The following MCF2L2 variants were observed in gnomAD, a reference collection of about 807,000 sequenced individuals.
The protein encoded by MCF2L2 is probable guanine nucleotide exchange factor MCF2L2.
A neutral mutation model predicts 150.2 loss-of-function variants in MCF2L2; 102 were observed. That is an observed-to-expected ratio of 0.68 (90% CI 0.58 to 0.80). The LOEUF (loss-of-function observed/expected upper bound fraction) is 0.80, where lower values mean the gene tolerates loss of function less well. Among genes scored for constraint, MCF2L2 ranks in the 30% least tolerant of loss-of-function variants. MCF2L2 has a pLI of 0.00. For missense variants in MCF2L2, 1,256 were observed against 1,372.8 expected (o/e 0.91, Z 1.34); for synonymous variants, 465 against 491.3 (o/e 0.95, Z 0.71).
At chr3:183,378,524 GCA>G (rs769350372) in intron 3 of MCF2L2, 1 of 152,220 alleles carries the variant, frequency 6.6e-6, no homozygotes, top group Non-Finnish European at 1.5e-5. Flanking sequence ...TCAGCTACAA[GCA>G]CAGTTTTTTT....
chr3:183,316,573 G>GACCTCAGGTGATCTGCCC (rs1161082621), intron 7 of MCF2L2, among the ~76,000 whole-genome samples: 3 of 151,936 alleles, frequency 2.0e-5, no homozygotes, highest in Admixed American at 6.6e-5. Context: ...TCGAACTCCT[G>GACCTCAGGTGATCTGCCC]ACCTCAGGTG....
chr3:183,310,334 C>T (rs1174288133), intron 9 of MCF2L2, among the ~76,000 whole-genome samples: 1 of 152,056 alleles, frequency 6.6e-6, no homozygotes, highest in Non-Finnish European at 1.5e-5. Flanking sequence ...AACCCCATCT[C>T]TACCAAAAAT....
chr3:183,309,619 T>C, intron 10 of MCF2L2, 97 bp downstream of exon 10: 2 of 1,523,900 alleles, frequency 1.3e-6, no homozygotes, highest in South Asian at 2.3e-5. Context: ...GGCATTCCTG[T>C]GTCCTTTAGC....
chr3:183,303,763 G>A (rs892374043), intron 10 of MCF2L2, among the ~76,000 whole-genome samples: 4 of 152,066 alleles, frequency 2.6e-5, no homozygotes, highest in Non-Finnish European at 4.4e-5. Flanking sequence ...GCTGACAAAG[G>A]AGCAATTCCA....
intron 5 of MCF2L2, among the ~76,000 whole-genome samples, chr3:183,334,604 A>G (rs1730394852): frequency 6.6e-6 from 1 of 151,846 alleles, no homozygotes; most frequent in African/African-American, 2.4e-5. Context: ...CCTGGCCAAC[A>G]TGGTGAAACC....
chr3:183,184,025 GT>G (rs918545511), intron 27 of MCF2L2, among the ~76,000 whole-genome samples: 1 of 151,960 alleles, frequency 6.6e-6, no homozygotes, highest in African/African-American at 2.4e-5. Flanking sequence ...TTGTTTTTTT[GT>G]TTGTTTTTGA....
chr3:183,348,057 A>C (rs1371754880), intron 3 of MCF2L2, among the ~76,000 whole-genome samples: 1 of 152,208 alleles, frequency 6.6e-6, no homozygotes, highest in East Asian at 1.9e-4. Context: ...CCGGGTATAT[A>C]CCCAAAGGAT....
At chr3:183,351,119 T>C (rs1280753256) in intron 3 of MCF2L2, among the ~76,000 whole-genome samples, 2 of 146,024 alleles carry the variant, frequency 1.4e-5, no homozygotes, top group Non-Finnish European at 3.0e-5. Flanking sequence ...GTATAAGAGA[T>C]TGAGGTAAAT....
intron 2 of MCF2L2, 24 bp from the exon 3 acceptor site, chr3:183,379,435 A>T (rs1713387294): frequency 1.3e-6 from 2 of 1,546,404 alleles, no homozygotes; most frequent in Non-Finnish European, 1.8e-6. Context: ...AGGTGGTCAA[A>T]ATGTTAGCAA....
chr3:183,344,561 A>G (rs1730825954), intron 3 of MCF2L2, among the ~76,000 whole-genome samples: 1 of 152,242 alleles, frequency 6.6e-6, no homozygotes, highest in Non-Finnish European at 1.5e-5. Flanking sequence ...GACAGGATCA[A>G]GTTCACACAT....
intron 1 of MCF2L2, among the ~76,000 whole-genome samples, chr3:183,400,715 G>A (rs984299068): frequency 6.6e-6 from 1 of 152,036 alleles, no homozygotes; most frequent in African/African-American, 2.4e-5. Context: ...AAAACTGGGG[G>A]ATGACAGCGA....
At chr3:183,330,461 G>C (rs1730227050) in intron 5 of MCF2L2, among the ~76,000 whole-genome samples, 1 of 152,124 alleles carries the variant, frequency 6.6e-6, no homozygotes, top group Non-Finnish European at 1.5e-5. Context: ...AAAACTATAA[G>C]GATGGAGAGC....
At chr3:183,276,520 T>G in intron 15 of MCF2L2, 3 of 207,926 alleles carry the variant, frequency 1.4e-5, no homozygotes, top group Non-Finnish European at 1.9e-5. Flanking sequence ...AAAAACAGCA[T>G]TTGTATAAAT....
At chr3:183,417,156 G>C (rs1383033398) in intron 1 of MCF2L2, among the ~76,000 whole-genome samples, 1 of 138,946 alleles carries the variant, frequency 7.2e-6, no homozygotes, top group Non-Finnish European at 1.5e-5. Context: ...TGGTAATTTA[G>C]AGATCATTTA....
intron 5 of MCF2L2, among the ~76,000 whole-genome samples, chr3:183,335,587 G>C (rs1442769029): frequency 5.3e-5 from 8 of 152,018 alleles, no homozygotes; most frequent in African/African-American, 1.9e-4. Flanking sequence ...CTTGAGGGTA[G>C]CTGAGCATAG....
At chr3:183,369,180 T>C (rs1712712012) in intron 3 of MCF2L2, among the ~76,000 whole-genome samples, 1 of 152,226 alleles carries the variant, frequency 6.6e-6, no homozygotes, top group Non-Finnish European at 1.5e-5. Flanking sequence ...AACCGAGTTC[T>C]AGGCCATGAT....
rs568355269 is a variant in MCF2L2, at chr3:183,270,138, G to A, written c.1862+6734C>T. On this transcript the variant is annotated intron_variant, in intron 15 of 29. Coordinates refer to ENST00000328913, the MANE Select transcript of MCF2L2 (RefSeq NM_015078.4). This position sits in a 1 kb window ranked among gnomAD's most constrained non-coding sequence, Gnocchi z 4.5. ...CGGAATTAGAAGGACGTGGGGCAAT[G>A]AAAATTATGTTCGGTCTCAGCTGAA... 6.2e-7 allele frequency: 1 copy of A among 1,614,122 alleles called. No individual in the cohort carries two copies. The highest frequency in any genetic ancestry group is 8.5e-7 in the Non-Finnish European group (1 of 1,180,008).
chr3:183,209,787 C>T (rs181710925), intron 22 of MCF2L2, among the ~76,000 whole-genome samples: 4 of 152,242 alleles, frequency 2.6e-5, no homozygotes, highest in East Asian at 3.9e-4. Context: ...CTGCTCCCGG[C>T]CTTCATGCAC....
At chr3:183,340,415 G>A (rs1730650221) in intron 4 of MCF2L2, among the ~76,000 whole-genome samples, 2 of 152,190 alleles carry the variant, frequency 1.3e-5, no homozygotes, top group South Asian at 2.1e-4. Context: ...TAAAAATGCT[G>A]ACTTAGCTGG....
Sources: allele counts gnomAD v4.1 joint callset (sites outside exome capture counted in the v4.1 genomes callset), GRCh38; gene constraint gnomAD v4.1.1; non-coding constraint Gnocchi (gnomAD v3.1); transcripts MANE v1.5; gene names NCBI Gene and HGNC (gene_info 2026-07-23, HGNC 2026-07-21).